MARCHF1: variants seen among roughly 807,000 people sequenced by gnomAD.
MARCHF1 encodes the protein membrane associated ring-CH-type finger 1.
In MARCHF1, 40 loss-of-function variants were observed where a neutral mutation model predicts 54.2. The observed-to-expected ratio is 0.74, with a 90% CI of 0.57 to 0.96. MARCHF1 has a LOEUF of 0.96. Among genes scored for constraint, MARCHF1 ranks in the 40% least tolerant of loss-of-function variants. The pLI is 0.00. For synonymous variants in MARCHF1, 236 were observed against 236.3 expected (o/e 1.00, Z 0.01); for missense variants, 586 against 656.5 (o/e 0.89, Z 1.17).
rs138703816 is a variant in MARCHF1 at position 163,699,390 on chromosome 4, C to T, written c.162+1423G>A. Among the ~76,000 whole-genome samples, 33 of 152,274 alleles carry T rather than the reference C, an allele frequency of 2.2e-4. No individual in the cohort carries two copies. The East Asian group carries it at 6.4e-3, about 29-fold the overall frequency. On this transcript the variant is annotated intron_variant, in intron 5 of 9. Coordinates refer to ENST00000514618, the MANE Select transcript of MARCHF1 (RefSeq NM_001394959.1). The stretch of plus-strand genomic sequence containing the variant: ...ATTAGGGTCTGCTCCTATAAACATC[C>T]CAGTGTGTGTGCAGATGTTATCTGA...
intron 2 of MARCHF1, among the ~76,000 whole-genome samples, chr4:164,107,196 T>C (rs949004574): frequency 1.4e-4 from 21 of 152,170 alleles, no homozygotes; most frequent in African/African-American, 5.1e-4. Flanking sequence ...CCCTAGTTAG[T>C]GCCATTTGTC....
intron 3 of MARCHF1, among the ~76,000 whole-genome samples, chr4:163,882,984 A>G (rs10030032): frequency 0.02 from 2,975 of 152,156 alleles, 144 homozygotes; most frequent in East Asian, 0.18. Context: ...CTCAAATAAT[A>G]TATTTATTTC....
In MARCHF1 at chr4:163,628,613, T is replaced by C. The variant is rs1484288073; in HGVS notation, c.163-15220A>G. On this transcript the variant is annotated intron_variant, in intron 5 of 9. Coordinates refer to ENST00000514618, the MANE Select transcript of MARCHF1 (RefSeq NM_001394959.1). ...GGAAGAGAGGAAGTCAAATTGTCTT[T>C]GTTTGGAGATGATATGATTTTATAT... Among the ~76,000 whole-genome samples the C allele has an allele frequency of 2.0e-5, 3 of 152,220 alleles. No individual in the cohort carries two copies. In the East Asian group the frequency reaches 5.8e-4, roughly 29 times the overall value.
At chr4:163,533,279 C>A (rs1380525973) in intron 9 of MARCHF1, among the ~76,000 whole-genome samples, 4 of 151,902 alleles carry the variant, frequency 2.6e-5, no homozygotes, top group African/African-American at 9.7e-5. Flanking sequence ...GTGATTCCAA[C>A]TATGTGACAT....
chr4:164,071,772 T>G (rs918117491), intron 2 of MARCHF1, among the ~76,000 whole-genome samples: 1 of 152,194 alleles, frequency 6.6e-6, no homozygotes, highest in African/African-American at 2.4e-5. Context: ...CCCTGCTTTG[T>G]GTTTCTGGCT....
At chr4:164,070,102 T>C (rs530161528) in intron 2 of MARCHF1, among the ~76,000 whole-genome samples, 20 of 152,268 alleles carry the variant, frequency 1.3e-4, no homozygotes, top group Admixed American at 9.2e-4. Flanking sequence ...CAACAGACAC[T>C]GTGGACTACT....
chr4:164,122,861 A>G (rs1019365169), intron 1 of MARCHF1, among the ~76,000 whole-genome samples: 2 of 152,062 alleles, frequency 1.3e-5, no homozygotes, highest in African/African-American at 4.8e-5. Flanking sequence ...CTTTCCTCTA[A>G]CATCTGGAAC....
intron 1 of MARCHF1, among the ~76,000 whole-genome samples, chr4:164,177,846 AAGACAG>A (rs1334659123): frequency 6.9e-6 from 1 of 145,260 alleles, no homozygotes; most frequent in Non-Finnish European, 1.5e-5. Context: ...GAGACAAAGA[AAGACAG>A]AGACAGAGAA....
At chr4:163,712,055 G>T (rs990446576) in intron 4 of MARCHF1, among the ~76,000 whole-genome samples, 6 of 152,150 alleles carry the variant, frequency 3.9e-5, no homozygotes, top group African/African-American at 1.4e-4. Flanking sequence ...TTCTGTATAA[G>T]AGTTATATTG....
chr4:163,666,347 G>A (rs1366173276), intron 5 of MARCHF1, among the ~76,000 whole-genome samples: 4 of 152,056 alleles, frequency 2.6e-5, no homozygotes, highest in African/African-American at 9.7e-5. Context: ...AGGAGTATTT[G>A]AGCAGTAAAA....
At position 164,176,980 on chromosome 4, in the gene MARCHF1, C is replaced by CA. The variant is rs1553989382; in HGVS notation, c.-322-65319_-322-65318insT. 4.5e-3 allele frequency among the ~76,000 whole-genome samples: 264 copies of CA among 58,918 alleles called. 47 individuals are homozygous for CA. The highest frequency in any genetic ancestry group is 0.016 in the South Asian group (22 of 1,358). 38.7% of individuals were successfully genotyped at this position (58,918 alleles called of 152,430 possible). On this transcript the variant is annotated intron_variant, in intron 1 of 9. Coordinates refer to ENST00000514618, the MANE Select transcript of MARCHF1 (RefSeq NM_001394959.1). ...TCTCTCTCTCTCTCTCTCTCTCTCT[C>CA]TATATATATATATATATATATATAT...
chr4:164,004,639 T>C (rs1753250683), intron 2 of MARCHF1, among the ~76,000 whole-genome samples: 1 of 152,102 alleles, frequency 6.6e-6, no homozygotes, highest in East Asian at 1.9e-4. Context: ...AATAATCATG[T>C]ATATATTTTC....
intron 4 of MARCHF1, among the ~76,000 whole-genome samples, chr4:163,723,842 A>C (rs887340052): frequency 6.6e-6 from 1 of 152,094 alleles, no homozygotes; most frequent in African/African-American, 2.4e-5. Context: ...TGCATTTGTC[A>C]CGTAGTTCTT....
At chr4:163,576,051 C>T (rs1433840702) in intron 8 of MARCHF1, among the ~76,000 whole-genome samples, 1 of 151,668 alleles carries the variant, frequency 6.6e-6, no homozygotes, top group African/African-American at 2.4e-5. Flanking sequence ...TTTAGGTCTG[C>T]TCTAATTTTA....
Position 164,324,131 on chromosome 4 carries a change from C to A in MARCHF1, c.-323+59739G>T, listed in dbSNP as rs1023895033. On this transcript the variant is annotated intron_variant, in intron 1 of 9. Transcript: ENST00000514618. ...AAGATTAATACCCCATGACCCAAGT[C>A]TATTTCAGGAAACCTAACATAATCA... 4.6e-5 allele frequency among the ~76,000 whole-genome samples: 7 copies of A among 151,898 alleles called. No homozygotes were observed. In the East Asian group the frequency reaches 1.4e-3, roughly 29 times the overall value.
At chr4:164,091,877 TG>T (rs1376209513) in intron 2 of MARCHF1, among the ~76,000 whole-genome samples, 5 of 151,464 alleles carry the variant, frequency 3.3e-5, no homozygotes, top group Admixed American at 3.3e-4. Flanking sequence ...TGTGTGTGTG[TG>T]TGTGTGTGTG....
chr4:164,197,852 A>G (rs901815235), intron 1 of MARCHF1: 70 of 1,398,506 alleles, frequency 5.0e-5, no homozygotes, highest in Middle Eastern at 2.1e-4. Context: ...TACAAATATT[A>G]TAATAAAGGG....
At chr4:163,558,447 T>G (rs533768486) in intron 8 of MARCHF1, among the ~76,000 whole-genome samples, 1 of 152,158 alleles carries the variant, frequency 6.6e-6, no homozygotes, top group Non-Finnish European at 1.5e-5. Context: ...TCGGAGAAGA[T>G]AGAAGGTTCT....
chr4:163,581,049 G>A lies in MARCHF1; in HGVS notation c.1191+4700C>T, dbSNP rs533306639. ...GATCTCCTGACCTCATGATCCACCC[G>A]CCTCGGCCTCCCAAAGTGCTGGGAT... On this transcript the variant is annotated intron_variant, in intron 8 of 9. Coordinates refer to ENST00000514618, the MANE Select transcript of MARCHF1 (RefSeq NM_001394959.1). 4.8e-5 allele frequency among the ~76,000 whole-genome samples: 2 copies of A among 42,012 alleles called. 1 individual carries two copies. The highest frequency in any genetic ancestry group is 9.9e-5 in the Non-Finnish European group (2 of 20,120). The allele number at this position is 42,012 out of a possible 152,430, so 27.6% of individuals were successfully genotyped here. A position where few individuals can be genotyped will look rare whatever the true frequency, so the allele number is the denominator to read the frequency against.
Sources: allele counts gnomAD v4.1 joint callset (sites outside exome capture counted in the v4.1 genomes callset), GRCh38; gene constraint gnomAD v4.1.1; transcripts MANE v1.5; gene names NCBI Gene and HGNC (gene_info 2026-07-23, HGNC 2026-07-21).